The following SIPA1L1 variants were observed in gnomAD, a reference collection of about 807,000 sequenced individuals.
SIPA1L1 encodes signal induced proliferation associated 1 like 1.
SIPA1L1 carries 26 observed loss-of-function variants against 162.7 expected under a neutral mutation model. The observed-to-expected ratio is 0.16, with a 90% CI of 0.12 to 0.22. The LOEUF (loss-of-function observed/expected upper bound fraction) is 0.22, where lower values mean the gene tolerates loss of function less well. SIPA1L1 is among the 10% of genes least tolerant of loss of function. The pLI, the probability that SIPA1L1 is intolerant of heterozygous loss-of-function variation, is 1.00. For missense variants in SIPA1L1, 1,874 were observed against 2,241.0 expected, an observed-to-expected ratio of 0.84 and a Z score of 3.31; for synonymous variants, 829 against 837.4, an observed-to-expected ratio of 0.99 and a Z score of 0.17.
At chr14:71,434,153 C>T (rs963504298) in intron 2 of SIPA1L1, among the ~76,000 whole-genome samples, 17 of 152,202 alleles carry the variant, frequency 1.1e-4, no homozygotes, top group African/African-American at 3.4e-4. Flanking sequence ...ATTTGTTGAA[C>T]TCTTTCTGTG....
At chr14:71,510,924 C>T (rs1039596726) in intron 2 of SIPA1L1, among the ~76,000 whole-genome samples, 1 of 152,068 alleles carries the variant, frequency 6.6e-6, no homozygotes, top group Non-Finnish European at 1.5e-5. Context: ...CTCCCCTTTC[C>T]CCAGATCCCA....
chr14:71,512,895 T>C (rs1045833496), intron 3 of SIPA1L1, 50 bp downstream of exon 3: 6 of 152,218 alleles, frequency 3.9e-5, no homozygotes, highest in African/African-American at 1.4e-4. Context: ...GACACTCCTT[T>C]CTGTTTATTC....
intron 2 of SIPA1L1, among the ~76,000 whole-genome samples, chr14:71,341,702 T>C (rs2035672332): frequency 4.6e-5 from 7 of 152,192 alleles, no homozygotes. Context: ...GCCATTCTTA[T>C]GTCCGTGAGT....
intron 2 of SIPA1L1, among the ~76,000 whole-genome samples, chr14:71,436,077 T>C (rs1244986272): frequency 6.7e-6 from 1 of 149,546 alleles, no homozygotes; most frequent in Non-Finnish European, 1.5e-5. Flanking sequence ...TGTGCATTTC[T>C]CTTGTTATAA....
At chr14:71,464,313 T>C (rs763885488) in intron 2 of SIPA1L1, among the ~76,000 whole-genome samples, 5 of 152,056 alleles carry the variant, frequency 3.3e-5, no homozygotes, top group Admixed American at 3.3e-4. Context: ...AATAAACTAT[T>C]AGAACCTTTC....
Position 71,739,078 on chromosome 14 carries a change from A to C in SIPA1L1, c.5269A>C (p.Arg1757=), listed in dbSNP as rs909624538. 12 of 1,614,032 alleles carry C rather than the reference A, an allele frequency of 7.4e-6. No homozygotes were observed. The highest frequency in any genetic ancestry group is 2.7e-5 in the African/African-American group (2 of 74,904). Residue 1757 remains arginine (R), a synonymous_variant, in exon 24 of 24, where the codon AGG becomes CGG. Coordinates refer to ENST00000381232, the MANE Select transcript of SIPA1L1 (RefSeq NM_001386936.1). ...GCAGCACCTGCGAGAGGACAACCTG[A>C]GGCTACAGGAGGAGTCCCAGAACGC... ...EVQHLREDNL[R]LQEESQNASD...
chr14:71,336,016 C>G (rs530601463), intron 2 of SIPA1L1, among the ~76,000 whole-genome samples: 14 of 152,188 alleles, frequency 9.2e-5, no homozygotes, highest in African/African-American at 3.4e-4. Context: ...CTTTTTCATG[C>G]TTAATTTTTC....
At chr14:71,431,396 A>G (rs558241051) in intron 2 of SIPA1L1, among the ~76,000 whole-genome samples, 1 of 152,320 alleles carries the variant, frequency 6.6e-6, no homozygotes, top group East Asian at 1.9e-4. Flanking sequence ...TAACTAGTAC[A>G]TAAAAGATTA....
intron 5 of SIPA1L1, among the ~76,000 whole-genome samples, chr14:71,608,161 C>T (rs2037751818): frequency 6.6e-6 from 1 of 152,168 alleles, no homozygotes; most frequent in Non-Finnish European, 1.5e-5. Context: ...CAAGTCAAGT[C>T]TGAGAGAAGC....
intron 3 of SIPA1L1, among the ~76,000 whole-genome samples, chr14:71,520,802 G>A (rs997313568): frequency 2.6e-5 from 4 of 151,948 alleles, no homozygotes; most frequent in Non-Finnish European, 5.9e-5. Context: ...ACCCAGGCTG[G>A]AGTGCAGTGA....
At chr14:71,514,120 G>A (rs535012839) in intron 3 of SIPA1L1, among the ~76,000 whole-genome samples, 11 of 152,314 alleles carry the variant, frequency 7.2e-5, no homozygotes, top group African/African-American at 2.4e-4. Context: ...AGGAACAAAA[G>A]GAGAGAAAGT....
intron 5 of SIPA1L1, among the ~76,000 whole-genome samples, chr14:71,611,441 A>G (rs1476360265): frequency 6.8e-6 from 1 of 147,124 alleles, no homozygotes; most frequent in Non-Finnish European, 1.5e-5. Context: ...CATGTGCAGG[A>G]CGTGCAGGTT....
At chr14:71,713,729 G>A (rs1488230810) in intron 17 of SIPA1L1, among the ~76,000 whole-genome samples, 1 of 152,172 alleles carries the variant, frequency 6.6e-6, no homozygotes, top group Non-Finnish European at 1.5e-5. Flanking sequence ...GGCACACTGG[G>A]CTGTCTGTGT....
chr14:71,333,336 T>A (rs1291924128), intron 2 of SIPA1L1, among the ~76,000 whole-genome samples: 2 of 152,218 alleles, frequency 1.3e-5, no homozygotes, highest in Admixed American at 6.5e-5. Flanking sequence ...GTGCCATTAC[T>A]GTGATAATTA....
intron 2 of SIPA1L1, among the ~76,000 whole-genome samples, chr14:71,492,237 T>A (rs1181274512): frequency 6.6e-6 from 1 of 152,176 alleles, no homozygotes; most frequent in African/African-American, 2.4e-5. Flanking sequence ...TGTGGATTGC[T>A]TGAAGTTTCA....
chr14:71,576,573 A>G (rs1405226925), intron 4 of SIPA1L1: 1 of 152,198 alleles, frequency 6.6e-6, no homozygotes, highest in Non-Finnish European at 1.5e-5. Context: ...GTGGAAAATG[A>G]TGGGCTCAGA....
chr14:71,513,477 T>C (rs1016408529), intron 3 of SIPA1L1, among the ~76,000 whole-genome samples: 1 of 152,046 alleles, frequency 6.6e-6, no homozygotes, highest in Non-Finnish European at 1.5e-5. Context: ...GAAATAGATA[T>C]TGACCGATTT....
At chr14:71,733,105 G>A (rs2084953553) in intron 20 of SIPA1L1, among the ~76,000 whole-genome samples, 1 of 152,202 alleles carries the variant, frequency 6.6e-6, no homozygotes, top group African/African-American at 2.4e-5. Context: ...TAGCTACTTG[G>A]GAGGCTGAAG....
At chr14:71,585,366 A>AT (rs2034455648) in intron 4 of SIPA1L1, among the ~76,000 whole-genome samples, 1 of 152,166 alleles carries the variant, frequency 6.6e-6, no homozygotes, top group African/African-American at 2.4e-5. Flanking sequence ...ATATAATGTA[A>AT]TGGGAGTCTT....
Sources: allele counts gnomAD v4.1 joint callset (sites outside exome capture counted in the v4.1 genomes callset), GRCh38; gene constraint gnomAD v4.1.1; transcripts MANE v1.5; gene names NCBI Gene and HGNC (gene_info 2026-07-23, HGNC 2026-07-21).